ACMSD: variants seen among roughly 807,000 people sequenced by gnomAD.
The protein encoded by ACMSD is aminocarboxymuconate semialdehyde decarboxylase.
ACMSD carries 37 observed loss-of-function variants against 45.9 expected under a neutral mutation model. That is an observed-to-expected ratio of 0.81 (90% CI 0.62 to 1.06). The LOEUF is 1.06. Among genes scored for constraint, ACMSD ranks in the 50% least tolerant of loss-of-function variants. The pLI, the probability that ACMSD is intolerant of heterozygous loss-of-function variation, is 0.00. For missense variants in ACMSD, 434 were observed against 420.9 expected, an observed-to-expected ratio of 1.03 and a Z score of -0.27; for synonymous variants, 138 against 148.8, an observed-to-expected ratio of 0.93 and a Z score of 0.53.
intron 2 of ACMSD, among the ~76,000 whole-genome samples, chr2:134,856,232 G>A (rs1019101596): frequency 2.6e-5 from 4 of 152,212 alleles, no homozygotes; most frequent in African/African-American, 9.6e-5. Context: ...ACTGAAGCTT[G>A]AAGATATTGT....
intron 8 of ACMSD, chr2:134,873,510 A>T (rs981053143): frequency 6.6e-6 from 1 of 152,220 alleles, no homozygotes; most frequent in Non-Finnish European, 1.5e-5. Context: ...ATATTTAAAA[A>T]TTTGCAATAT....
intron 2 of ACMSD, among the ~76,000 whole-genome samples, chr2:134,847,783 T>C (rs1573619462): frequency 6.6e-6 from 1 of 152,178 alleles, no homozygotes; most frequent in African/African-American, 2.4e-5. Context: ...GCAAAGGACA[T>C]GAACTCATCC....
At chr2:134,847,552 T>G (rs1687125564) in intron 2 of ACMSD, among the ~76,000 whole-genome samples, 1 of 152,194 alleles carries the variant, frequency 6.6e-6, no homozygotes, top group African/African-American at 2.4e-5. Flanking sequence ...GGTGGTTCAC[T>G]GCACCCATCA....
intron 8 of ACMSD, among the ~76,000 whole-genome samples, chr2:134,893,313 C>T (rs535943070): frequency 6.6e-6 from 1 of 151,694 alleles, no homozygotes; most frequent in African/African-American, 2.4e-5. Context: ...ATCCTTCCAC[C>T]TCAGCCTCCC....
intron 8 of ACMSD, 170 bp downstream of exon 8, chr2:134,872,811 C>T: frequency 2.9e-6 from 2 of 686,298 alleles, no homozygotes; most frequent in Non-Finnish European, 4.9e-6. Context: ...GGGATTCTCT[C>T]CAGGGTCTCC....
intron 9 of ACMSD, among the ~76,000 whole-genome samples, chr2:134,898,868 A>AT (rs1206278205): frequency 1.5e-4 from 23 of 151,878 alleles, no homozygotes; most frequent in Non-Finnish European, 2.5e-4. Flanking sequence ...ACTAGACTTT[A>AT]TTTTTTTTCC....
chr2:134,861,074 T>A (rs571318048), intron 3 of ACMSD, among the ~76,000 whole-genome samples: 30 of 152,180 alleles, frequency 2.0e-4, no homozygotes, highest in African/African-American at 7.0e-4. Flanking sequence ...GCATTTAAAT[T>A]GAACTTTGCA....
chr2:134,842,895 T>C (rs1454443689), intron 1 of ACMSD, among the ~76,000 whole-genome samples: 1 of 152,176 alleles, frequency 6.6e-6, no homozygotes, highest in Non-Finnish European at 1.5e-5. Context: ...CTCCCTATCC[T>C]TCCCCAGATG....
intron 8 of ACMSD, among the ~76,000 whole-genome samples, chr2:134,885,811 C>T (rs1375006404): frequency 6.6e-6 from 1 of 151,894 alleles, no homozygotes; most frequent in African/African-American, 2.4e-5. Flanking sequence ...AGTGGGTTTC[C>T]CGAGAGGGTC....
intron 8 of ACMSD, among the ~76,000 whole-genome samples, chr2:134,885,170 T>C (rs1177644901): frequency 1.4e-5 from 2 of 143,976 alleles, no homozygotes; most frequent in Non-Finnish European, 3.0e-5. Context: ...CACTCCAGCC[T>C]GGGTGATGGA....
chr2:134,841,542 T>A (rs1428647950), intron 1 of ACMSD, among the ~76,000 whole-genome samples: 1 of 152,004 alleles, frequency 6.6e-6, no homozygotes, highest in Non-Finnish European at 1.5e-5. Context: ...ATAAAGACAA[T>A]GGATTCAGGG....
In ACMSD at chr2:134,845,763, AG is replaced by A. The variant is rs551734314; in HGVS notation, c.102+487del. ...AGGGTTGAGTTTGGTAAGAGGAAAA[AG>A]CAAAAAGAAGAAGGCTGTGGGCAAA... On this transcript the variant is annotated intron_variant, in intron 2 of 9. Transcript: ENST00000356140. Among the ~76,000 whole-genome samples the A allele has an allele frequency of 1.9e-3, 285 of 152,284 alleles. 1 individual carries two copies. Among genetic ancestry groups the A allele is most frequent in the African/African-American group, 6.2e-3 (256 of 41,574 alleles).
intron 4 of ACMSD, among the ~76,000 whole-genome samples, 180 bp from the exon 5 acceptor site, chr2:134,863,215 A>G (rs977475215): frequency 1.3e-5 from 2 of 152,124 alleles, no homozygotes; most frequent in African/African-American, 4.8e-5. Flanking sequence ...TTGCTTTACA[A>G]AGATTGGCTT....
At chr2:134,851,892 G>A (rs1422968026) in intron 2 of ACMSD, among the ~76,000 whole-genome samples, 2 of 152,132 alleles carry the variant, frequency 1.3e-5, no homozygotes, top group East Asian at 1.9e-4. Flanking sequence ...TTTCATGTCT[G>A]TTGGTCATTT....
intron 1 of ACMSD, among the ~76,000 whole-genome samples, chr2:134,843,918 G>A (rs1686928536): frequency 6.6e-6 from 1 of 152,184 alleles, no homozygotes; most frequent in Admixed American, 6.5e-5. Flanking sequence ...CAGAGCACCT[G>A]TGCATCACAG....
At chr2:134,895,375 C>CATAT (rs1690075259) in intron 8 of ACMSD, among the ~76,000 whole-genome samples, 2 of 91,394 alleles carry the variant, frequency 2.2e-5, no homozygotes, top group African/African-American at 7.9e-5. Flanking sequence ...ATATATGTTA[C>CATAT]AAAACATTGT....
intron 9 of ACMSD, among the ~76,000 whole-genome samples, 153 bp downstream of exon 9, chr2:134,898,592 A>G (rs1347774186): frequency 1.3e-5 from 2 of 152,158 alleles, no homozygotes; most frequent in African/African-American, 4.8e-5. Flanking sequence ...AAATAGCTAA[A>G]CTATTAAAGG....
At position 134,845,296 on chromosome 2, in the gene ACMSD, A is replaced by C. The variant is rs1434196865; in HGVS notation, c.102+19A>C. On this transcript the variant is annotated intron_variant, in intron 2 of 9. Coordinates refer to ENST00000356140, the MANE Select transcript of ACMSD (RefSeq NM_138326.3). Reference sequence around the variant, plus strand: ...CAGCAAGGTGAGTTTCTTCCAAAGTATGAACATCAGTAGCACTCAGGGAGA... The same window carrying C: ...CAGCAAGGTGAGTTTCTTCCAAAGTCTGAACATCAGTAGCACTCAGGGAGA... The C allele has an allele frequency of 6.8e-6, 11 of 1,614,068 alleles. No homozygotes were observed. The highest frequency in any genetic ancestry group is 8.5e-6 in the Non-Finnish European group (10 of 1,179,964).
intron 9 of ACMSD, 111 bp downstream of exon 9, chr2:134,898,550 T>C: frequency 1.7e-6 from 1 of 582,410 alleles, no homozygotes; most frequent in Non-Finnish European, 2.8e-6. Flanking sequence ...ACCATTACAC[T>C]GAATTCCCTA....
Sources: allele counts gnomAD v4.1 joint callset (sites outside exome capture counted in the v4.1 genomes callset), GRCh38; gene constraint gnomAD v4.1.1; transcripts MANE v1.5; gene names NCBI Gene and HGNC (gene_info 2026-07-23, HGNC 2026-07-21).